The following ANKRD27 variants were observed in gnomAD, a reference collection of about 807,000 sequenced individuals.
ANKRD27 encodes the protein ankyrin repeat domain 27, also known as ankyrin repeat domain-containing protein 27.
A neutral mutation model predicts 129.7 loss-of-function variants in ANKRD27; 112 were observed. The ratio of observed to expected loss-of-function variants is 0.86; its 90% confidence interval spans 0.74 to 1.01. The LOEUF (loss-of-function observed/expected upper bound fraction) is 1.01. Ranked by LOEUF, ANKRD27 falls within the 50% of genes least tolerant of loss-of-function variation. The probability of loss-of-function intolerance (pLI) is 0.00; values close to 1 mark genes in which losing one functional copy is unlikely to be tolerated. For synonymous variants in ANKRD27, 516 were observed against 511.2 expected (o/e 1.01, Z -0.13); for missense variants, 1,258 against 1,300.5 (o/e 0.97, Z 0.50).
intron 1 of ANKRD27, among the ~76,000 whole-genome samples, chr19:32,660,992 G>A (rs1967633156): frequency 6.6e-6 from 1 of 151,984 alleles, no homozygotes; most frequent in South Asian, 2.1e-4. Context: ...GAGGTCAAGA[G>A]GTCAAGACCA....
At chr19:32,626,021 C>A (rs369112683) in intron 16 of ANKRD27, 55 bp from the exon 17 acceptor site, 8 of 1,453,940 alleles carry the variant, frequency 5.5e-6, no homozygotes, top group Non-Finnish European at 7.4e-6. Context: ...CTGGGAGGCC[C>A]GGCCTCCAGT....
chr19:32,619,618 T>C, intron 18 of ANKRD27, 65 bp from the exon 19 acceptor site: 1 of 1,583,078 alleles, frequency 6.3e-7, no homozygotes. Context: ...CACAGTGCCA[T>C]CACCCACACG....
At chr19:32,605,233 C>T (rs1357004552) in intron 24 of ANKRD27, among the ~76,000 whole-genome samples, 3 of 151,952 alleles carry the variant, frequency 2.0e-5, no homozygotes, top group African/African-American at 4.8e-5. Flanking sequence ...AAAAACTAGC[C>T]AGGTGCAGTG....
chr19:32,617,922 T>A (rs1971946708), intron 20 of ANKRD27, among the ~76,000 whole-genome samples: 1 of 151,714 alleles, frequency 6.6e-6, no homozygotes, highest in Non-Finnish European at 1.5e-5. Flanking sequence ...GCCCGGCTAA[T>A]TTTTTTTGTA....
chr19:32,634,563 G>A (rs1257311019), intron 12 of ANKRD27, among the ~76,000 whole-genome samples: 1 of 152,140 alleles, frequency 6.6e-6, no homozygotes, highest in African/African-American at 2.4e-5. Flanking sequence ...ATCCTTAGGG[G>A]CATCCTTACA....
At chr19:32,673,206 T>A in intron 1 of ANKRD27, 1 of 837,472 alleles carries the variant, frequency 1.2e-6, no homozygotes, top group Non-Finnish European at 1.4e-6. Flanking sequence ...TTATTTCAGG[T>A]CACCAGGCAA....
Position 32,599,796 on chromosome 19 carries a change from A to AAAAT in ANKRD27, c.2847-24_2847-21dup, listed in dbSNP as rs1184470015. The AAAAT allele has an allele frequency of 1.1e-5, 17 of 1,610,204 alleles. No individual in the cohort carries two copies. Among genetic ancestry groups the AAAAT allele is most frequent in the Non-Finnish European group, 1.4e-5 (17 of 1,178,634 alleles). ...TTTCCCCTAAAACCCAAAATAAACG[A>AAAAT]AAATAAATATTTGGGACAGTGGCAT... On this transcript the variant is annotated intron_variant, in intron 27 of 28. Coordinates refer to ENST00000306065, the MANE Select transcript of ANKRD27 (RefSeq NM_032139.3).
intron 9 of ANKRD27, 56 bp from the exon 10 acceptor site, chr19:32,642,201 CCTGGATCTAAG>C: frequency 4.3e-6 from 6 of 1,393,336 alleles, no homozygotes; most frequent in Admixed American, 2.5e-5. Context: ...AACCCTCTGG[CCTGGATCTAAG>C]AACACATCTC....
Position 32,659,028 on chromosome 19 carries a change from T to A in ANKRD27, c.-13A>T, listed in dbSNP as rs757534749. 1 of 1,593,706 alleles carries A rather than the reference T, an allele frequency of 6.3e-7. No homozygotes were observed. Among genetic ancestry groups the A allele is most frequent in the Non-Finnish European group, 8.6e-7 (1 of 1,161,548 alleles). ...CATACAGAGCCATATGGACTTCAGATGGGTCAGAGCAAATCTCCTGCAATA... is the reference window on the plus strand; with the variant it reads ...CATACAGAGCCATATGGACTTCAGAAGGGTCAGAGCAAATCTCCTGCAATA... On this transcript the variant is annotated 5_prime_UTR_variant, in exon 2 of 29. Coordinates refer to ENST00000306065, the MANE Select transcript of ANKRD27 (RefSeq NM_032139.3).
intron 1 of ANKRD27, among the ~76,000 whole-genome samples, 175 bp from the exon 2 acceptor site, chr19:32,659,220 T>C (rs1440419321): frequency 6.9e-6 from 1 of 145,276 alleles, no homozygotes; most frequent in Non-Finnish European, 1.5e-5. Context: ...TAGCTGGGAC[T>C]ACAGGCGCCC....
At chr19:32,624,736 T>G (rs1270704736) in intron 17 of ANKRD27, among the ~76,000 whole-genome samples, 1 of 151,828 alleles carries the variant, frequency 6.6e-6, no homozygotes, top group Non-Finnish European at 1.5e-5. Flanking sequence ...AGTTCAGGAA[T>G]GTAAGACCAG....
At chr19:32,655,147 G>C (rs1052554096) in intron 2 of ANKRD27, 4 of 152,336 alleles carry the variant, frequency 2.6e-5, no homozygotes, top group Non-Finnish European at 5.9e-5. Flanking sequence ...TGGGCAACAT[G>C]GTGGTCCCCC....
intron 22 of ANKRD27, 133 bp from the exon 23 acceptor site, chr19:32,607,965 A>G: frequency 1.1e-6 from 1 of 903,032 alleles, no homozygotes; most frequent in Admixed American, 2.8e-5. Flanking sequence ...GATGGATTCC[A>G]ATTTGTTTAG....
At chr19:32,615,477 A>G (rs1971901200) in intron 22 of ANKRD27, among the ~76,000 whole-genome samples, 181 bp downstream of exon 22, 2 of 152,174 alleles carry the variant, frequency 1.3e-5, no homozygotes, top group African/African-American at 4.8e-5. Flanking sequence ...TCAGCTAGTC[A>G]GGACACTGAG....
At chr19:32,601,788 A>G (rs937705472) in intron 26 of ANKRD27, among the ~76,000 whole-genome samples, 3 of 152,068 alleles carry the variant, frequency 2.0e-5, no homozygotes, top group African/African-American at 7.2e-5. Flanking sequence ...TTTCTATCCT[A>G]TTTCCTCAGG....
Position 32,644,801 on chromosome 19 carries a change from G to A in ANKRD27, c.371-322C>T, listed in dbSNP as rs565114748. Among the ~76,000 whole-genome samples, 12 of 152,280 alleles carry A rather than the reference G, an allele frequency of 7.9e-5. No individual in the cohort carries two copies. The South Asian group carries it at 1.2e-3, about 16-fold the overall frequency. On this transcript the variant is annotated intron_variant, in intron 4 of 28. Coordinates refer to ENST00000306065, the MANE Select transcript of ANKRD27 (RefSeq NM_032139.3). ...AGACTTATTATTTATTAAAAATAAC[G>A]AAATCTCAAAGAGGCACAATGCTGG... is the stretch of plus-strand genomic sequence containing the variant.
At chr19:32,634,820 C>A (rs1967060494) in intron 12 of ANKRD27, among the ~76,000 whole-genome samples, 2 of 152,090 alleles carry the variant, frequency 1.3e-5, no homozygotes, top group Admixed American at 1.3e-4. Context: ...GAGGCTGAGG[C>A]AGGAGAATCG....
chr19:32,666,138 G>A lies in ANKRD27; in HGVS notation c.-30-7093C>T, dbSNP rs916103587. The stretch of plus-strand genomic sequence containing the variant: ...ATGAATGTCTTCTTCGATGTCCTCC[G>A]ACTTTTCCATAAGGATCGTATACGA... On this transcript the variant is annotated intron_variant, in intron 1 of 28. Transcript: ENST00000306065. Among the ~76,000 whole-genome samples the A allele has an allele frequency of 4.6e-5, 7 of 152,266 alleles. No homozygotes were observed. In the East Asian group the frequency reaches 9.6e-4, roughly 21 times the overall value.
At chr19:32,641,760 ACTT>A (rs368872618) in intron 10 of ANKRD27, among the ~76,000 whole-genome samples, 10,025 of 107,524 alleles carry the variant, frequency 0.093, 612 homozygotes, top group Middle Eastern at 0.15. Context: ...GTTTTCTTTT[ACTT>A]CTTCTTTTTT....
Sources: allele counts gnomAD v4.1 joint callset (sites outside exome capture counted in the v4.1 genomes callset), GRCh38; gene constraint gnomAD v4.1.1; transcripts MANE v1.5; gene names NCBI Gene and HGNC (gene_info 2026-07-23, HGNC 2026-07-21).